The following PIBF1 variants were observed in gnomAD, a reference collection of about 807,000 sequenced individuals.
PIBF1 encodes the protein progesterone immunomodulatory binding factor 1.
PIBF1 carries 90 observed loss-of-function variants against 112.5 expected under a neutral mutation model. The observed-to-expected ratio is 0.80, with a 90% CI of 0.67 to 0.95. The LOEUF is 0.95. PIBF1 is among the 40% of genes least tolerant of loss of function. The pLI is 0.00. For missense variants in PIBF1, 915 were observed against 852.3 expected (o/e 1.07, Z -0.92); for synonymous variants, 301 against 288.6 (o/e 1.04, Z -0.44).
intron 10 of PIBF1, among the ~76,000 whole-genome samples, chr13:72,882,897 A>G (rs1472191263): frequency 1.3e-5 from 2 of 152,220 alleles, no homozygotes; most frequent in Non-Finnish European, 2.9e-5. Context: ...TCAAAAAACT[A>G]AAAGTAGATT....
In PIBF1 at chr13:72,839,239, G is replaced by C. The variant is rs190132444; in HGVS notation, c.1223+3871G>C. 1.7e-3 allele frequency among the ~76,000 whole-genome samples: 257 copies of C among 152,282 alleles called. 3 individuals are homozygous for C. Among genetic ancestry groups the C allele is most frequent in the Non-Finnish European group, 5.1e-4 (35 of 68,006 alleles). On this transcript the variant is annotated intron_variant, in intron 9 of 17. Transcript: ENST00000326291. Reference sequence around the variant, plus strand: ...AGTAAAGATGAGAGAAATGGGCCAGGTTGGAAAAGTATTTAGGAGACAGAG... The same window carrying C: ...AGTAAAGATGAGAGAAATGGGCCAGCTTGGAAAAGTATTTAGGAGACAGAG...
chr13:72,910,925 A>G (rs978559430), intron 12 of PIBF1, among the ~76,000 whole-genome samples: 16 of 152,212 alleles, frequency 1.1e-4, no homozygotes, highest in African/African-American at 3.9e-4. Flanking sequence ...TGTGAATTCT[A>G]TCAATTCAGT....
chr13:72,874,976 G>A (rs978855828), intron 10 of PIBF1, among the ~76,000 whole-genome samples: 4 of 152,024 alleles, frequency 2.6e-5, no homozygotes, highest in Admixed American at 6.6e-5. Context: ...TCTTGGTCCG[G>A]CTACTTTTTA....
intron 14 of PIBF1, among the ~76,000 whole-genome samples, chr13:72,959,122 AGAAGCTGGGATTACAGGCAT>A (rs1184922757): frequency 6.6e-6 from 1 of 152,112 alleles, no homozygotes; most frequent in African/African-American, 2.4e-5. Flanking sequence ...CAGCCTCCCA[AGAAGCTGGGATTACAGGCAT>A]GCGCCACCAC....
chr13:72,965,583 ATTCCACC>A (rs772826936), intron 15 of PIBF1, among the ~76,000 whole-genome samples, 179 bp downstream of exon 15: 3 of 152,224 alleles, frequency 2.0e-5, no homozygotes, highest in Non-Finnish European at 4.4e-5. Context: ...AGGTGTTCAC[ATTCCACC>A]TGTGATCAGA....
At chr13:72,987,811 C>T (rs1403795864) in intron 16 of PIBF1, among the ~76,000 whole-genome samples, 3 of 142,250 alleles carry the variant, frequency 2.1e-5, no homozygotes, top group African/African-American at 8.0e-5. Flanking sequence ...CATGCCTGGC[C>T]TTCTTGAGTT....
At position 72,961,594 on chromosome 13, in the gene PIBF1, T is replaced by A. The variant is rs537981468; in HGVS notation, c.1834-3680T>A. Among the ~76,000 whole-genome samples the A allele has an allele frequency of 3.5e-4, 53 of 152,284 alleles. 1 individual carries two copies. The highest frequency in any genetic ancestry group is 6.8e-3 in the Middle Eastern group (2 of 294). ...GCTAGACGTTTATCGCCAAATAGTA[T>A]CTAAAGGTCATAGAATAGTTAGGAA... On this transcript the variant is annotated intron_variant, in intron 14 of 17. Coordinates refer to ENST00000326291, the MANE Select transcript of PIBF1 (RefSeq NM_006346.4).
At chr13:72,828,972 G>T (rs1333828261) in intron 8 of PIBF1, among the ~76,000 whole-genome samples, 1 of 152,112 alleles carries the variant, frequency 6.6e-6, no homozygotes, top group Non-Finnish European at 1.5e-5. Flanking sequence ...ATGATTGCCA[G>T]TCTAACTGGC....
chr13:72,890,161 A>C (rs1257202295), intron 10 of PIBF1, among the ~76,000 whole-genome samples: 1 of 152,136 alleles, frequency 6.6e-6, no homozygotes, highest in African/African-American at 2.4e-5. Context: ...AAAACCTGTT[A>C]TTTGATGTTT....
intron 17 of PIBF1, among the ~76,000 whole-genome samples, chr13:73,013,084 G>A (rs1013204008): frequency 2.6e-4 from 40 of 151,370 alleles, no homozygotes; most frequent in African/African-American, 8.2e-4. Flanking sequence ...GGCGGATCAC[G>A]AGGTCAGGAG....
At chr13:72,858,216 T>C (rs2038532779) in intron 10 of PIBF1, among the ~76,000 whole-genome samples, 1 of 152,036 alleles carries the variant, frequency 6.6e-6, no homozygotes, top group South Asian at 2.1e-4. Flanking sequence ...CACACCCGGC[T>C]AATTTATGTA....
intron 10 of PIBF1, among the ~76,000 whole-genome samples, chr13:72,858,420 A>G (rs532538186): frequency 6.6e-6 from 1 of 152,290 alleles, no homozygotes; most frequent in South Asian, 2.1e-4. Flanking sequence ...GCTAGGTTCA[A>G]AATGCTATAT....
At chr13:72,869,441 G>C (rs978552026) in intron 10 of PIBF1, among the ~76,000 whole-genome samples, 3 of 133,962 alleles carry the variant, frequency 2.2e-5, no homozygotes, top group African/African-American at 8.4e-5. Context: ...ACAGGAAGGG[G>C]AACATCACAC....
chr13:72,842,284 T>C (rs569395461), intron 9 of PIBF1, among the ~76,000 whole-genome samples: 1 of 152,316 alleles, frequency 6.6e-6, no homozygotes, highest in African/African-American at 2.4e-5. Flanking sequence ...AGTGGTGCTC[T>C]ACAAAAGATA....
rs1270124937 is a variant in PIBF1, at chr13:72,827,777, A to G, written c.960A>G (p.Lys320=). 2.5e-6 allele frequency: 4 copies of G among 1,600,308 alleles called. No homozygotes were observed. The East Asian group carries it at 9.0e-5, about 36-fold the overall frequency. ...EQTVTLLQKD[K]EYLNRQNMEL... The stretch of plus-strand genomic sequence containing the variant: ...CTGTTACTTTACTGCAAAAGGATAA[A>G]GAATATCTTAATCGCCAAAACATGG... The change falls in exon 8 of 18, where the codon AAA becomes AAG. Residue 320 remains lysine (K), a synonymous_variant. Coordinates refer to ENST00000326291, the MANE Select transcript of PIBF1 (RefSeq NM_006346.4).
At chr13:72,880,588 T>C (rs993195374) in intron 10 of PIBF1, among the ~76,000 whole-genome samples, 8 of 152,060 alleles carry the variant, frequency 5.3e-5, no homozygotes, top group African/African-American at 1.9e-4. Context: ...TAGTAAAGAG[T>C]GGTATGGAGT....
At chr13:72,842,812 A>G (rs2037672058) in intron 9 of PIBF1, among the ~76,000 whole-genome samples, 1 of 152,226 alleles carries the variant, frequency 6.6e-6, no homozygotes, top group Admixed American at 6.5e-5. Flanking sequence ...CTTGAAGTAT[A>G]TGGCTCTGCA....
intron 9 of PIBF1, among the ~76,000 whole-genome samples, chr13:72,839,197 G>T (rs959532083): frequency 6.6e-6 from 1 of 152,184 alleles, no homozygotes; most frequent in African/African-American, 2.4e-5. Context: ...AGGTGATAAT[G>T]GAACTGGATT....
intron 14 of PIBF1, among the ~76,000 whole-genome samples, chr13:72,953,511 C>T (rs1322929341): frequency 2.0e-5 from 3 of 152,220 alleles, no homozygotes; most frequent in East Asian, 1.9e-4. Flanking sequence ...TCTACTCTCC[C>T]AGCAGCGGGT....
Sources: allele counts gnomAD v4.1 joint callset (sites outside exome capture counted in the v4.1 genomes callset), GRCh38; gene constraint gnomAD v4.1.1; transcripts MANE v1.5; gene names NCBI Gene and HGNC (gene_info 2026-07-23, HGNC 2026-07-21).